The following TENM3 variants were observed in gnomAD, a reference collection of about 807,000 sequenced individuals.
The protein encoded by TENM3 is teneurin transmembrane protein 3, also known as teneurin-3.
A neutral mutation model predicts 255.1 loss-of-function variants in TENM3; 63 were observed. The ratio of observed to expected loss-of-function variants is 0.25; its 90% confidence interval spans 0.20 to 0.30. The LOEUF is 0.30. TENM3 is among the 10% of genes least tolerant of loss of function. The probability of loss-of-function intolerance (pLI) is 1.00; values close to 1 mark genes in which losing one functional copy is unlikely to be tolerated. For synonymous variants in TENM3, 1,306 were observed against 1,322.3 expected (o/e 0.99, Z 0.27); for missense variants, 2,929 against 3,461.1 (o/e 0.85, Z 3.86).
intron 1 of TENM3, among the ~76,000 whole-genome samples, chr4:182,255,631 A>G (rs752797875): frequency 1.3e-5 from 2 of 152,050 alleles, no homozygotes; most frequent in Non-Finnish European, 2.9e-5. Flanking sequence ...ACTCCTGGAG[A>G]TGGCAGTGTG....
At chr4:182,352,161 A>C (rs1235339376) in intron 3 of TENM3, among the ~76,000 whole-genome samples, 1 of 149,500 alleles carries the variant, frequency 6.7e-6, no homozygotes, top group Non-Finnish European at 1.5e-5. Flanking sequence ...GTGTTCTGGC[A>C]AGATGGAGGA....
chr4:182,783,817 C>T (rs576439139), intron 24 of TENM3, among the ~76,000 whole-genome samples: 10 of 152,140 alleles, frequency 6.6e-5, no homozygotes, highest in South Asian at 4.1e-4. Context: ...CATCTTCCAT[C>T]GCTGATACCC....
intron 1 of TENM3, among the ~76,000 whole-genome samples, chr4:182,177,497 A>G (rs1752567420): frequency 1.3e-5 from 2 of 151,976 alleles, no homozygotes; most frequent in Admixed American, 6.6e-5. Context: ...CATTTCTGCT[A>G]TGGAACCACC....
intron 2 of TENM3, among the ~76,000 whole-genome samples, chr4:182,344,519 T>C (rs1764678198): frequency 6.6e-6 from 1 of 152,256 alleles, no homozygotes; most frequent in Non-Finnish European, 1.5e-5. Flanking sequence ...AGATTACAGT[T>C]TTCTGCTTCC....
intron 5 of TENM3, among the ~76,000 whole-genome samples, chr4:182,638,959 T>C (rs1317119496): frequency 1.3e-5 from 2 of 152,216 alleles, no homozygotes; most frequent in Admixed American, 1.3e-4. Flanking sequence ...TTGTAGAATA[T>C]GGGGCTCTTG....
At chr4:181,612,092 G>A in the TENM3 span, among the ~76,000 whole-genome samples, 24 of 152,014 alleles carry the variant, frequency 1.6e-4, no homozygotes, top group Admixed American at 6.6e-4. Context: ...CCTTTGCTCC[G>A]TTCCTGCTGT....
intron 3 of TENM3, among the ~76,000 whole-genome samples, chr4:182,508,731 G>A (rs1227960990): frequency 6.6e-6 from 1 of 152,150 alleles, no homozygotes; most frequent in African/African-American, 2.4e-5. Context: ...GATGAAATGG[G>A]TCCTTTCTTC....
chr4:181,866,819 T>C, the TENM3 span, among the ~76,000 whole-genome samples: 2 of 152,170 alleles, frequency 1.3e-5, no homozygotes, highest in African/African-American at 2.4e-5. Flanking sequence ...GCCACAGTCT[T>C]CAGAGACTCC....
At chr4:181,836,265 T>A in the TENM3 span, among the ~76,000 whole-genome samples, 1 of 152,020 alleles carries the variant, frequency 6.6e-6, no homozygotes, top group South Asian at 2.1e-4. Flanking sequence ...ATACTCATAT[T>A]CTTACTGAAT....
At chr4:182,713,351 A>G (rs1758902020) in intron 12 of TENM3, among the ~76,000 whole-genome samples, 1 of 152,182 alleles carries the variant, frequency 6.6e-6, no homozygotes, top group Admixed American at 6.5e-5. Flanking sequence ...TATTACATTT[A>G]GTTGGAAATC....
the TENM3 span, among the ~76,000 whole-genome samples, chr4:181,474,891 C>T: frequency 6.6e-6 from 1 of 152,078 alleles, no homozygotes; most frequent in Admixed American, 6.5e-5. Context: ...CTCTTCTCCC[C>T]CCACCTCATA....
At chr4:181,847,584 CAT>C in the TENM3 span, among the ~76,000 whole-genome samples, 42 of 152,002 alleles carry the variant, frequency 2.8e-4, no homozygotes, top group African/African-American at 1.0e-3. Flanking sequence ...TATTATATAA[CAT>C]ATTGTAATGT....
In TENM3 at chr4:182,269,809, C is replaced by T. The variant is rs144722114; in HGVS notation, c.-76+26333C>T. Among the ~76,000 whole-genome samples the T allele has an allele frequency of 5.5e-4, 83 of 152,170 alleles. 1 individual carries two copies. In the East Asian group the frequency reaches 0.015, roughly 28 times the overall value. ...TGAGCCAATATGAATGGCCATGGCT[C>T]GGGGAACAGTCTCAAGGGAGTCATG... On this transcript the variant is annotated intron_variant, in intron 1 of 27. Transcript: ENST00000511685.
In TENM3 at chr4:182,754,810, A is replaced by C. The variant is rs1275253850; in HGVS notation, c.4443A>C (p.Pro1481=). The part of the protein sequence containing the change: ...LSAPSSLAAS[P]DGTLYIADLG... ...CCCCATCCTCCCTGGCTGCTTCTCC[A>C]GATGGTACACTGTATATTGCAGATC... Residue 1481 remains proline, a synonymous_variant, in exon 22 of 28, where the codon CCA becomes CCC. Transcript: ENST00000511685. The surrounding 1 kb of genome is among the most constrained non-coding windows in gnomAD (Gnocchi z 5.1). 1.9e-6 allele frequency: 3 copies of C among 1,613,936 alleles called. No homozygotes were observed. Among genetic ancestry groups the C allele is most frequent in the East Asian group, 4.5e-5 (2 of 44,888 alleles).
At chr4:182,209,005 G>A (rs1754778443) in intron 1 of TENM3, among the ~76,000 whole-genome samples, 1 of 135,748 alleles carries the variant, frequency 7.4e-6, no homozygotes, top group Non-Finnish European at 1.5e-5. Context: ...TTTCGCCCTT[G>A]TCGCCCAGGC....
At chr4:181,480,580 T>G in the TENM3 span, among the ~76,000 whole-genome samples, 787 of 152,092 alleles carry the variant, frequency 5.2e-3, 7 homozygotes, top group African/African-American at 0.018. Flanking sequence ...TTTTATTTCT[T>G]TCTGCCAAAA....
chr4:181,640,806 C>A, the TENM3 span, among the ~76,000 whole-genome samples: 5 of 152,302 alleles, frequency 3.3e-5, no homozygotes, highest in South Asian at 2.1e-4. Context: ...GGTTGACAGT[C>A]CTCTACCAAA....
chr4:182,003,871 G>T, the TENM3 span, among the ~76,000 whole-genome samples: 1 of 151,448 alleles, frequency 6.6e-6, no homozygotes, highest in African/African-American at 2.4e-5. Context: ...AATAAATATT[G>T]TCAATATATC....
the TENM3 span, among the ~76,000 whole-genome samples, chr4:182,077,026 C>T: frequency 5.3e-5 from 8 of 152,188 alleles, no homozygotes; most frequent in Admixed American, 2.0e-4. Flanking sequence ...TCTTCCATAA[C>T]CTTTCCTTGA....
Sources: gnomAD v4.1 joint callset for allele counts (sites outside exome capture counted in the v4.1 genomes callset) on GRCh38, gnomAD v4.1.1 for gene constraint, Gnocchi (gnomAD v3.1) non-coding constraint, MANE v1.5 for transcripts, NCBI Gene and HGNC (gene_info 2026-07-23, HGNC 2026-07-21) for gene names.